Variants in MBOAT1 observed in about 807,000 individuals in gnomAD.
MBOAT1 encodes membrane-bound glycerophospholipid O-acyltransferase 1.
A neutral mutation model predicts 64.4 loss-of-function variants in MBOAT1; 67 were observed. The observed-to-expected ratio is 1.04, with a 90% confidence interval of 0.85 to 1.27. MBOAT1 has a LOEUF of 1.27. Among genes scored for constraint, MBOAT1 ranks in the 50% most tolerant of loss-of-function variants. The probability of loss-of-function intolerance (pLI) is 0.00; values close to 1 mark genes in which losing one functional copy is unlikely to be tolerated. For missense variants in MBOAT1, 563 were observed against 604.6 expected, an observed-to-expected ratio of 0.93 and a Z score of 0.72; for synonymous variants, 229 against 218.9, an observed-to-expected ratio of 1.05 and a Z score of -0.41.
At chr6:20,115,251 G>T in intron 10 of MBOAT1, 37 bp downstream of exon 10, 2 of 1,511,816 alleles carry the variant, frequency 1.3e-6, no homozygotes, top group Middle Eastern at 1.7e-4. Context: ...ACATATCCCA[G>T]TGCCCTAAGT....
intron 1 of MBOAT1, among the ~76,000 whole-genome samples, chr6:20,175,634 T>A (rs185235332): frequency 6.6e-6 from 1 of 151,258 alleles, no homozygotes; most frequent in African/African-American, 2.4e-5. Context: ...TTCTTTCTTT[T>A]TTTTTTTTTT....
intron 3 of MBOAT1, among the ~76,000 whole-genome samples, chr6:20,149,502 C>A (rs545135442): frequency 1.3e-5 from 2 of 152,196 alleles, no homozygotes; most frequent in African/African-American, 2.4e-5. Flanking sequence ...AAAAGCCAAG[C>A]CTTTTCATCC....
chr6:20,139,589 C>G (rs1761109272), intron 4 of MBOAT1, among the ~76,000 whole-genome samples: 1 of 103,936 alleles, frequency 9.6e-6, no homozygotes, highest in Non-Finnish European at 1.7e-5. Context: ...GGGTCTTGCT[C>G]TGTTGCCCAG....
chr6:20,136,848 G>C (rs1013412611), intron 4 of MBOAT1, among the ~76,000 whole-genome samples: 4 of 152,062 alleles, frequency 2.6e-5, no homozygotes, highest in Non-Finnish European at 5.9e-5. Context: ...TACTGCTTTC[G>C]CATTTTCAAT....
rs1375959884 is a variant in MBOAT1, at chr6:20,102,118, A to G, written c.*168T>C. On this transcript the variant is annotated 3_prime_UTR_variant, in exon 13 of 13. Transcript: ENST00000324607. The stretch of plus-strand genomic sequence containing the variant: ...CGACAGAGCGAGACTCCGTCTCAAA[A>G]AAAAAAAAAAAAAAAAAAAAAAAAA... 1 of 35,508 alleles carries G rather than the reference A, an allele frequency of 2.8e-5. No individual in the cohort carries two copies. Among genetic ancestry groups the G allele is most frequent in the South Asian group, 8.5e-4 (1 of 1,180 alleles). 2.2% of individuals were successfully genotyped at this position (35,508 alleles called of 1,614,324 possible).
At chr6:20,124,669 G>C (rs1409650150) in intron 7 of MBOAT1, 69 bp from the exon 8 acceptor site, 17 of 1,453,046 alleles carry the variant, frequency 1.2e-5, no homozygotes, top group Non-Finnish European at 1.6e-5. Flanking sequence ...CTTTGGAATG[G>C]ACCTGTTAAG....
At chr6:20,189,656 A>C (rs1431221750) in intron 1 of MBOAT1, among the ~76,000 whole-genome samples, 1 of 152,166 alleles carries the variant, frequency 6.6e-6, no homozygotes, top group Non-Finnish European at 1.5e-5. Flanking sequence ...TCTAACTAAA[A>C]TTTATACCCT....
At chr6:20,188,595 T>G (rs1264368251) in intron 1 of MBOAT1, among the ~76,000 whole-genome samples, 1 of 152,152 alleles carries the variant, frequency 6.6e-6, no homozygotes, top group Non-Finnish European at 1.5e-5. Flanking sequence ...ATTTTTACAG[T>G]TGAATGCAAA....
intron 4 of MBOAT1, among the ~76,000 whole-genome samples, chr6:20,142,836 A>G (rs917479437): frequency 6.6e-6 from 1 of 152,230 alleles, no homozygotes; most frequent in African/African-American, 2.4e-5. Context: ...AGGGCACACC[A>G]CTGGAAGAAA....
Position 20,188,993 on chromosome 6 carries a change from C to A in MBOAT1, c.99+23143G>T, listed in dbSNP as rs370995587. Among the ~76,000 whole-genome samples the A allele has an allele frequency of 8.1e-4, 124 of 152,268 alleles. 4 individuals are homozygous for A. The South Asian group carries it at 0.022, about 27-fold the overall frequency. ...AGGGGTAGATTCCTTCTTTATATTCCCTCAGAGTCTTGGAATTCTTAGAAA... is the reference window on the plus strand; with the variant it reads ...AGGGGTAGATTCCTTCTTTATATTCACTCAGAGTCTTGGAATTCTTAGAAA... On this transcript the variant is annotated intron_variant, in intron 1 of 12. Transcript: ENST00000324607.
At chr6:20,121,241 TG>T (rs779216447) in intron 8 of MBOAT1, among the ~76,000 whole-genome samples, 29 of 152,218 alleles carry the variant, frequency 1.9e-4, no homozygotes, top group Non-Finnish European at 3.5e-4. Flanking sequence ...TATATGTAAA[TG>T]GTGTTTTAAA....
At chr6:20,209,160 C>T (rs1763349449) in intron 1 of MBOAT1, among the ~76,000 whole-genome samples, 1 of 152,164 alleles carries the variant, frequency 6.6e-6, no homozygotes, top group African/African-American at 2.4e-5. Flanking sequence ...TGGACAAGGG[C>T]CCATTATTTA....
intron 6 of MBOAT1, among the ~76,000 whole-genome samples, chr6:20,127,461 C>T (rs548179232): frequency 6.6e-6 from 1 of 152,272 alleles, no homozygotes; most frequent in Admixed American, 6.5e-5. Context: ...AGCAGGTGAG[C>T]GGCATGTGAG....
At chr6:20,105,171 T>G (rs1759914413) in intron 12 of MBOAT1, among the ~76,000 whole-genome samples, 1 of 152,234 alleles carries the variant, frequency 6.6e-6, no homozygotes, top group Admixed American at 6.5e-5. Flanking sequence ...TATGTCATAC[T>G]TTGTTCTTGA....
intron 8 of MBOAT1, among the ~76,000 whole-genome samples, chr6:20,119,367 A>T (rs1305642080): frequency 6.6e-6 from 1 of 152,222 alleles, no homozygotes; most frequent in Non-Finnish European, 1.5e-5. Context: ...GATGACCAAG[A>T]GGCTAATTGT....
chr6:20,140,889 G>A (rs1030531065), intron 4 of MBOAT1, among the ~76,000 whole-genome samples: 2 of 152,112 alleles, frequency 1.3e-5, no homozygotes, highest in Admixed American at 6.5e-5. Flanking sequence ...CTAGCTAAAC[G>A]TATGACACAA....
At chr6:20,139,950 G>T (rs1252050647) in intron 4 of MBOAT1, among the ~76,000 whole-genome samples, 2 of 152,038 alleles carry the variant, frequency 1.3e-5, no homozygotes, top group Non-Finnish European at 2.9e-5. Flanking sequence ...GTATACACAG[G>T]GTTCCCCAGT....
rs1056773961 is a variant in MBOAT1, at chr6:20,101,215, C to G, written c.*1071G>C. ...AGGCATGAACATTTGGGTGTCTTCT[C>G]AAGACCAACCCCGGGCAAGCAGGTG... is the stretch of plus-strand genomic sequence containing the variant. On this transcript the variant is annotated 3_prime_UTR_variant, in exon 13 of 13. Transcript: ENST00000324607. Among the ~76,000 whole-genome samples the G allele has an allele frequency of 6.6e-6, 1 of 152,134 alleles. No homozygotes were observed. The highest frequency in any genetic ancestry group is 1.5e-5 in the Non-Finnish European group (1 of 68,032).
chr6:20,205,897 AG>A (rs1047854954), intron 1 of MBOAT1, among the ~76,000 whole-genome samples: 1 of 151,728 alleles, frequency 6.6e-6, no homozygotes, highest in African/African-American at 2.4e-5. Context: ...CTGAGACCCT[AG>A]GGGGGCCACC....
Sources: allele counts gnomAD v4.1 joint callset (sites outside exome capture counted in the v4.1 genomes callset), GRCh38; gene constraint gnomAD v4.1.1; transcripts MANE v1.5; gene names NCBI Gene and HGNC (gene_info 2026-07-23, HGNC 2026-07-21).